Variants in C2orf76 observed in about 807,000 individuals in gnomAD.
C2orf76 encodes the protein UPF0538 protein C2orf76.
A neutral mutation model predicts 16.9 loss-of-function variants in C2orf76; 23 were observed. The observed-to-expected ratio is 1.36, with a 90% confidence interval of 0.98 to 1.93. The LOEUF (loss-of-function observed/expected upper bound fraction) is 1.93. Among genes scored for constraint, C2orf76 ranks in the 30% most tolerant of loss-of-function variants. The probability of loss-of-function intolerance (pLI) is 0.00; values close to 1 mark genes in which losing one functional copy is unlikely to be tolerated. For synonymous variants in C2orf76, 48 were observed against 52.3 expected, an observed-to-expected ratio of 0.92 and a Z score of 0.35; for missense variants, 152 against 152.6, an observed-to-expected ratio of 1.00 and a Z score of 0.02.
At chr2:119,362,660 A>G (rs1360072484) in intron 1 of C2orf76, among the ~76,000 whole-genome samples, 1 of 152,212 alleles carries the variant, frequency 6.6e-6, no homozygotes, top group Non-Finnish European at 1.5e-5. Flanking sequence ...CGCAGGCAGC[A>G]CCTGACCAGT....
At chr2:119,311,058 C>G in intron 5 of C2orf76, 4 of 661,884 alleles carry the variant, frequency 6.0e-6, no homozygotes, top group Non-Finnish European at 7.5e-6. Flanking sequence ...ACAGTGACAT[C>G]TAATGGTCAC....
intron 4 of C2orf76, among the ~76,000 whole-genome samples, chr2:119,312,909 T>A (rs147212739): frequency 2.0e-5 from 3 of 151,648 alleles, no homozygotes; most frequent in Non-Finnish European, 4.4e-5. Flanking sequence ...GTGCCTGTAG[T>A]CCCAGCTACT....
At chr2:119,325,552 G>A (rs1049834598) in intron 2 of C2orf76, among the ~76,000 whole-genome samples, 2 of 151,340 alleles carry the variant, frequency 1.3e-5, no homozygotes, top group Admixed American at 6.6e-5. Flanking sequence ...CATGAGTTAA[G>A]GCTGCAGTGA....
chr2:119,331,356 G>T (rs1355429118), intron 2 of C2orf76, among the ~76,000 whole-genome samples: 8 of 152,116 alleles, frequency 5.3e-5, no homozygotes, highest in Non-Finnish European at 1.2e-4. Context: ...CCAACAGGTG[G>T]AATAAAAACT....
At chr2:119,288,791 A>G in the C2orf76 span, among the ~76,000 whole-genome samples, 1 of 151,964 alleles carries the variant, frequency 6.6e-6, no homozygotes, top group Non-Finnish European at 1.5e-5. Flanking sequence ...TCACCTGCTT[A>G]GGGTCAGCTA....
the C2orf76 span, among the ~76,000 whole-genome samples, chr2:119,283,881 C>T: frequency 6.6e-6 from 1 of 152,132 alleles, no homozygotes; most frequent in Non-Finnish European, 1.5e-5. Flanking sequence ...GGGACTGAAT[C>T]TTGGAAACTG....
chr2:119,366,979 T>G, upstream of C2orf76: 2 of 1,602,696 alleles, frequency 1.2e-6, no homozygotes, highest in Non-Finnish European at 1.7e-6. Flanking sequence ...CGCTTGCCAG[T>G]GCAATCTGGG....
chr2:119,346,054 C>CAAAAAAAAA (rs56669262), intron 1 of C2orf76, among the ~76,000 whole-genome samples: 3 of 73,524 alleles, frequency 4.1e-5, no homozygotes, highest in Non-Finnish European at 8.7e-5. Flanking sequence ...GACGCCATCT[C>CAAAAAAAAA]AAAAAAAAAA....
At chr2:119,366,121 T>C (rs894429759) in intron 1 of C2orf76, among the ~76,000 whole-genome samples, 1 of 152,106 alleles carries the variant, frequency 6.6e-6, no homozygotes, top group Non-Finnish European at 1.5e-5. Flanking sequence ...TCTAAGCCCC[T>C]AAAGTACTCT....
chr2:119,332,424 T>C (rs1558786964), intron 2 of C2orf76, among the ~76,000 whole-genome samples: 3 of 152,206 alleles, frequency 2.0e-5, no homozygotes. Flanking sequence ...AAGGTTAAGC[T>C]ATATGCTTTT....
upstream of C2orf76, chr2:119,367,025 C>G (rs758198856): frequency 9.3e-6 from 15 of 1,613,906 alleles, no homozygotes; most frequent in African/African-American, 1.7e-4. Context: ...TCCGCTGTCT[C>G]CCTGGAGTTC....
intron 4 of C2orf76, among the ~76,000 whole-genome samples, chr2:119,316,452 TAGG>T (rs1308452671): frequency 6.6e-6 from 1 of 152,238 alleles, no homozygotes; most frequent in South Asian, 2.1e-4. Flanking sequence ...TCCAGAATTG[TAGG>T]AGAATAAATG....
chr2:119,331,317 G>C (rs144846120), intron 2 of C2orf76, among the ~76,000 whole-genome samples: 3 of 152,228 alleles, frequency 2.0e-5, no homozygotes, highest in African/African-American at 7.2e-5. Flanking sequence ...TACTCTGCCC[G>C]ATAACCTGTG....
chr2:119,318,149 C>A (rs1679233629), intron 3 of C2orf76, among the ~76,000 whole-genome samples: 1 of 152,206 alleles, frequency 6.6e-6, no homozygotes, highest in African/African-American at 2.4e-5. Flanking sequence ...TGTGCACTTC[C>A]AGTAAGTAAT....
At chr2:119,290,281 A>G in the C2orf76 span, among the ~76,000 whole-genome samples, 2 of 151,948 alleles carry the variant, frequency 1.3e-5, no homozygotes, top group Non-Finnish European at 2.9e-5. Context: ...CTGCCTATCA[A>G]TTGTTGTACT....
chr2:119,352,758 CCTTTT>C (rs1290537324), intron 1 of C2orf76, among the ~76,000 whole-genome samples: 1 of 152,110 alleles, frequency 6.6e-6, no homozygotes, highest in Non-Finnish European at 1.5e-5. Context: ...CAAAAGTTTT[CCTTTT>C]AACACCAGAT....
intron 1 of C2orf76, among the ~76,000 whole-genome samples, chr2:119,363,706 A>G (rs1176111529): frequency 6.6e-6 from 1 of 152,214 alleles, no homozygotes; most frequent in African/African-American, 2.4e-5. Context: ...CCACCTAATG[A>G]GCAAGAAATG....
chr2:119,358,948 T>C (rs1440977989), intron 1 of C2orf76, among the ~76,000 whole-genome samples: 1 of 152,244 alleles, frequency 6.6e-6, no homozygotes, highest in Non-Finnish European at 1.5e-5. Flanking sequence ...CAGCCTTATA[T>C]TGGAAGATGA....
Position 119,349,452 on chromosome 2 carries a change from G to A in C2orf76, c.-12-9481C>T, listed in dbSNP as rs549686323. ...CAAATAAATCCAAACAGCATTCGGA[G>A]GCACCAGAAGCAGGTCACACGCCCA... On this transcript the variant is annotated intron_variant, in intron 1 of 5. Transcript: ENST00000334816. 4.6e-5 allele frequency among the ~76,000 whole-genome samples: 7 copies of A among 152,314 alleles called. No homozygotes were observed. The South Asian group carries it at 1.2e-3, about 27-fold the overall frequency.
Sources: allele counts gnomAD v4.1 joint callset (sites outside exome capture counted in the v4.1 genomes callset), GRCh38; gene constraint gnomAD v4.1.1; transcripts MANE v1.5; gene names NCBI Gene and HGNC (gene_info 2026-07-23, HGNC 2026-07-21).